LPAR3: variants seen among roughly 807,000 people sequenced by gnomAD.
LPAR3 encodes the protein lysophosphatidic acid receptor 3.
LPAR3 carries 7 observed loss-of-function variants against 17.8 expected under a neutral mutation model. That is an observed-to-expected ratio of 0.39 (90% CI 0.22 to 0.74). LPAR3 has a LOEUF of 0.74. Ranked by LOEUF, LPAR3 falls within the 30% of genes least tolerant of loss-of-function variation. The pLI is 0.40. For synonymous variants in LPAR3, 179 were observed against 179.9 expected, an observed-to-expected ratio of 0.99 and a Z score of 0.04; for missense variants, 391 against 453.4, an observed-to-expected ratio of 0.86 and a Z score of 1.25.
intron 1 of LPAR3, among the ~76,000 whole-genome samples, chr1:84,876,720 G>A (rs1364520084): frequency 6.6e-6 from 1 of 152,140 alleles, no homozygotes; most frequent in Admixed American, 6.5e-5. Flanking sequence ...GTCTTTCAAA[G>A]TACATTGTAA....
intron 2 of LPAR3, among the ~76,000 whole-genome samples, chr1:84,827,243 T>A (rs902712971): frequency 5.9e-5 from 9 of 152,222 alleles, no homozygotes; most frequent in African/African-American, 2.2e-4. Flanking sequence ...GGAAACATAT[T>A]GTACTATACA....
intron 2 of LPAR3, among the ~76,000 whole-genome samples, chr1:84,837,642 G>A (rs944368829): frequency 2.0e-5 from 3 of 152,156 alleles, no homozygotes; most frequent in African/African-American, 4.8e-5. Context: ...AATAATATTC[G>A]TAAGTTTGTT....
chr1:84,851,236 A>C (rs913051832), intron 2 of LPAR3, among the ~76,000 whole-genome samples: 6 of 152,336 alleles, frequency 3.9e-5, no homozygotes, highest in African/African-American at 1.2e-4. Flanking sequence ...TGAGACAATT[A>C]TCCATAAAAA....
chr1:84,813,995 T>C lies in LPAR3; in HGVS notation c.913A>G (p.Lys305Glu), dbSNP rs780205867. The change falls in exon 3 of 3, where the codon AAG (lysine) becomes GAG (glutamate). Residue 305 changes from lysine (K) to glutamate (E), a missense_variant. Coordinates refer to ENST00000370611, the MANE Select transcript of LPAR3 (RefSeq NM_012152.3). ...TGAGAGAAGCAGCAGATCATCTTCTTCATGGTGCCATACATGTCCTCGTCC... is the reference window on the plus strand; with the variant it reads ...TGAGAGAAGCAGCAGATCATCTTCTCCATGGTGCCATACATGTCCTCGTCC... ...YKDEDMYGTM[K>E]KMICCFSQEN... is the part of the protein sequence containing the mutation. The C allele has an allele frequency of 1.9e-6, 3 of 1,614,060 alleles. No individual in the cohort carries two copies. In the African/African-American group the frequency reaches 4.0e-5, roughly 22 times the overall value.
intron 2 of LPAR3, among the ~76,000 whole-genome samples, chr1:84,830,810 G>A (rs1291044407): frequency 4.7e-5 from 7 of 148,328 alleles, no homozygotes; most frequent in South Asian, 2.1e-4. Flanking sequence ...GTTTTCAGAC[G>A]GAACATTTCT....
chr1:84,832,475 C>T (rs1659303966), intron 2 of LPAR3, among the ~76,000 whole-genome samples: 1 of 152,058 alleles, frequency 6.6e-6, no homozygotes, highest in Non-Finnish European at 1.5e-5. Context: ...GAGTCAGGAA[C>T]TTAGAGAAGA....
intron 1 of LPAR3, among the ~76,000 whole-genome samples, chr1:84,886,259 G>A (rs1236073684): frequency 6.6e-6 from 1 of 152,184 alleles, no homozygotes; most frequent in Non-Finnish European, 1.5e-5. Flanking sequence ...GAGCATGGTA[G>A]CTCATACCTG....
In LPAR3 at chr1:84,881,998, A is replaced by T. The variant is rs115923653; in HGVS notation, c.-19+11018T>A. On this transcript the variant is annotated intron_variant, in intron 1 of 2. Transcript: ENST00000370611. ...TCCCAGCCACAGCAATTAGGCAAGA[A>T]AAATAAATAAAAGTCATACAGATTG... Among the ~76,000 whole-genome samples, 943 of 152,346 alleles carry T rather than the reference A, an allele frequency of 6.2e-3. 12 individuals are homozygous for T. The highest frequency in any genetic ancestry group is 0.022 in the African/African-American group (903 of 41,562).
intron 1 of LPAR3, among the ~76,000 whole-genome samples, chr1:84,887,679 T>C (rs953312228): frequency 6.6e-6 from 1 of 152,218 alleles, no homozygotes. Context: ...ATGTGCCTTC[T>C]GTTGTAAGAA....
chr1:84,814,195 A>G (rs765563687), intron 2 of LPAR3, 24 bp from the exon 3 acceptor site: 1 of 1,596,092 alleles, frequency 6.3e-7, no homozygotes. Flanking sequence ...AGAGGAGGCA[A>G]CAGATGCTCA....
At chr1:84,850,297 C>T (rs1659675992) in intron 2 of LPAR3, among the ~76,000 whole-genome samples, 1 of 151,084 alleles carries the variant, frequency 6.6e-6, no homozygotes, top group Non-Finnish European at 1.5e-5. Flanking sequence ...CTGGCTCACG[C>T]CTGTACCCCA....
rs1360616738 is a variant in LPAR3, at chr1:84,813,130, T to TATAC, written c.*715_*716insGTAT. ...ATAAAAATCAGTAAAAACAGGAATA[T>TATAC]ATATATATATATATATATATATATA... On this transcript the variant is annotated 3_prime_UTR_variant, in exon 3 of 3. Transcript: ENST00000370611. 2.3e-5 allele frequency: 2 copies of TATAC among 87,834 alleles called. No homozygotes were observed. Among genetic ancestry groups the TATAC allele is most frequent in the Non-Finnish European group, 4.9e-5 (2 of 40,786 alleles). 5.4% of individuals were successfully genotyped at this position (87,834 alleles called of 1,614,324 possible).
At chr1:84,892,894 G>C (rs967193322) in intron 1 of LPAR3, 122 bp downstream of exon 1, 1 of 152,284 alleles carries the variant, frequency 6.6e-6, no homozygotes, top group African/African-American at 2.4e-5. Flanking sequence ...TTGCACGCCA[G>C]GCAACCCCGA....
intron 1 of LPAR3, among the ~76,000 whole-genome samples, chr1:84,891,902 T>C (rs1660558428): frequency 6.6e-6 from 1 of 151,904 alleles, no homozygotes; most frequent in Admixed American, 6.6e-5. Context: ...AAACATTTCG[T>C]GGAAATTACT....
At chr1:84,825,409 G>T (rs1659136802) in intron 2 of LPAR3, among the ~76,000 whole-genome samples, 1 of 152,208 alleles carries the variant, frequency 6.6e-6, no homozygotes, top group Non-Finnish European at 1.5e-5. Flanking sequence ...AGGAGTAAAT[G>T]ATTCCAGGCA....
rs750646245 is a variant in LPAR3 at position 84,866,128 on chromosome 1, A to G, written c.-8T>C. 4 of 1,561,792 alleles carry G rather than the reference A, an allele frequency of 2.6e-6. No individual in the cohort carries two copies. In the East Asian group the frequency reaches 6.7e-5, roughly 26 times the overall value. On this transcript the variant is annotated 5_prime_UTR_variant, in exon 2 of 3. Coordinates refer to ENST00000370611, the MANE Select transcript of LPAR3 (RefSeq NM_012152.3). ...ATAGTGACACTCATTCATTGTGGAG[A>G]AGTGAACATCCTAGAAAGAAATTTA...
intron 2 of LPAR3, among the ~76,000 whole-genome samples, chr1:84,831,922 A>T (rs1422997819): frequency 1.3e-5 from 2 of 151,626 alleles, no homozygotes; most frequent in Non-Finnish European, 2.9e-5. Flanking sequence ...CATACTTTAA[A>T]GATACAGGCT....
intron 2 of LPAR3, among the ~76,000 whole-genome samples, chr1:84,844,801 T>C (rs1311395939): frequency 2.0e-5 from 3 of 152,130 alleles, no homozygotes; most frequent in African/African-American, 7.2e-5. Context: ...TATACACACA[T>C]ACAACCCCGA....
chr1:84,835,707 T>C (rs570016144), intron 2 of LPAR3, among the ~76,000 whole-genome samples: 59 of 152,280 alleles, frequency 3.9e-4, no homozygotes, highest in African/African-American at 1.4e-3. Context: ...AGTACAAATT[T>C]CTCTGGCACT....
Sources: allele counts gnomAD v4.1 joint callset (sites outside exome capture counted in the v4.1 genomes callset), GRCh38; gene constraint gnomAD v4.1.1; transcripts MANE v1.5; gene names NCBI Gene and HGNC (gene_info 2026-07-23, HGNC 2026-07-21).